PADI6: variants seen among roughly 807,000 people sequenced by gnomAD.
The protein encoded by PADI6 is inactive protein-arginine deiminase type-6.
PADI6 carries 66 observed loss-of-function variants against 78.2 expected under a neutral mutation model. The observed-to-expected ratio is 0.84, with a 90% CI of 0.69 to 1.04. The LOEUF (loss-of-function observed/expected upper bound fraction) is 1.04. Ranked by LOEUF, PADI6 falls within the 50% of genes least tolerant of loss-of-function variation. The pLI is 0.00. For synonymous variants in PADI6, 397 were observed against 346.9 expected (o/e 1.14, Z -1.60); for missense variants, 854 against 866.1 (o/e 0.99, Z 0.18).
At position 17,401,401 on chromosome 1, in the gene PADI6, T is replaced by C; in HGVS notation, c.2048T>C (p.Val683Ala). Residue 683 changes from valine to alanine, a missense_variant, in exon 16 of 16, where the codon GTG becomes GCG. Coordinates refer to ENST00000619609, the MANE Select transcript of PADI6 (RefSeq NM_207421.4). ...DICACANIRR[V>A]PFAFKWWKMV... is the part of the protein sequence containing the mutation. ...TGTGCCTGTGCCAACATCCGCCGGG[T>C]GCCCTTTGCCTTCAAATGGTGGAAG... The C allele has an allele frequency of 6.2e-7, 1 of 1,614,028 alleles. No individual in the cohort carries two copies. The highest frequency in any genetic ancestry group is 8.5e-7 in the Non-Finnish European group (1 of 1,179,896).
In PADI6 at chr1:17,395,077, C is replaced by T; in HGVS notation, c.1464C>T (p.Ile488=). 6.2e-7 allele frequency: 1 copy of T among 1,613,978 alleles called. No homozygotes were observed. The highest frequency in any genetic ancestry group is 8.5e-7 in the Non-Finnish European group (1 of 1,179,896). Residue 488 remains isoleucine (I), a synonymous_variant, in exon 12 of 16, where the codon ATC becomes ATT. Coordinates refer to ENST00000619609, the MANE Select transcript of PADI6 (RefSeq NM_207421.4). ...TGHVDEFMCF[I]PTDDKNEGKK... ...ACGTGGATGAGTTCATGTGCTTCATCCCCACAGATGACAAGAATGAGGGCA... is the reference window on the plus strand; with the variant it reads ...ACGTGGATGAGTTCATGTGCTTCATTCCCACAGATGACAAGAATGAGGGCA...
chr1:17,388,625 C>T (rs940182789), intron 7 of PADI6, 66 bp downstream of exon 7: 1 of 1,491,868 alleles, frequency 6.7e-7, no homozygotes, highest in Non-Finnish European at 9.1e-7. Flanking sequence ...CCATCTCCCA[C>T]AGTTGGGCAG....
At chr1:17,384,142 CAAA>C (rs564182068) in intron 6 of PADI6, among the ~76,000 whole-genome samples, 7 of 142,284 alleles carry the variant, frequency 4.9e-5, no homozygotes, top group Admixed American at 1.4e-4. Flanking sequence ...GACTCTGTCT[CAAA>C]AAAAAAAACT....
intron 3 of PADI6, among the ~76,000 whole-genome samples, chr1:17,379,111 A>ATTTTTTTTTTTTTTT (rs144547124): frequency 3.0e-5 from 3 of 100,808 alleles, no homozygotes; most frequent in African/African-American, 1.7e-4. Flanking sequence ...TGCCCAGTTA[A>ATTTTTTTTTTTTTTT]TTTTTTTTTT....
In PADI6 at chr1:17,401,421, T is replaced by G. The variant is rs1184850249; in HGVS notation, c.2068T>G (p.Trp690Gly). ...CCGGGTGCCCTTTGCCTTCAAATGG[T>G]GGAAGATGGTACCTTAGACCCAGGC... is the stretch of plus-strand genomic sequence containing the variant. Reference protein sequence around the residue: ...IRRVPFAFKWWKMVP With the variant: ...IRRVPFAFKWGKMVP Residue 690 changes from tryptophan to glycine, a missense_variant, in exon 16 of 16, where the codon TGG becomes GGG. Trp to Gly is a radical substitution (Grantham distance 184). Coordinates refer to ENST00000619609, the MANE Select transcript of PADI6 (RefSeq NM_207421.4). The G allele has an allele frequency of 6.2e-7, 1 of 1,613,916 alleles. No individual in the cohort carries two copies. The highest frequency in any genetic ancestry group is 8.5e-7 in the Non-Finnish European group (1 of 1,179,836).
chr1:17,384,223 G>A (rs1224536153), intron 6 of PADI6, among the ~76,000 whole-genome samples: 1 of 152,126 alleles, frequency 6.6e-6, no homozygotes, highest in Non-Finnish European at 1.5e-5. Context: ...TCTGAAACAT[G>A]CTAAAGCTTG....
In PADI6 at chr1:17,400,239, C is replaced by CGT. The variant is rs2075287847; in HGVS notation, c.1852-964_1852-963dup. 2.0e-5 allele frequency among the ~76,000 whole-genome samples: 3 copies of CGT among 150,176 alleles called. No individual in the cohort carries two copies. In the South Asian group the frequency reaches 6.3e-4, roughly 31 times the overall value. On this transcript the variant is annotated intron_variant, in intron 15 of 15. Coordinates refer to ENST00000619609, the MANE Select transcript of PADI6 (RefSeq NM_207421.4). Reference sequence around the variant, plus strand: ...AAAAAAAAAACATTCTGGGGCTGGGCGTGGTGTCTTACACCTGTAATCCCA... The same window carrying CGT: ...AAAAAAAAAACATTCTGGGGCTGGGCGTGTGGTGTCTTACACCTGTAATCCCA...
chr1:17,391,307 C>T (rs555171815), intron 8 of PADI6, among the ~76,000 whole-genome samples: 50 of 152,226 alleles, frequency 3.3e-4, no homozygotes, highest in Admixed American at 1.3e-4. Context: ...GCAGCCTCCA[C>T]CTCCAGGGTT....
chr1:17,396,231 C>G (rs112546525), intron 13 of PADI6, among the ~76,000 whole-genome samples: 1 of 152,020 alleles, frequency 6.6e-6, no homozygotes, highest in Non-Finnish European at 1.5e-5. Flanking sequence ...ACTAAAGATA[C>G]GAAAATTAGC....
chr1:17,394,271 C>A (rs774632854), intron 10 of PADI6, 29 bp from the exon 11 acceptor site: 6 of 1,608,280 alleles, frequency 3.7e-6, no homozygotes, highest in Admixed American at 1.7e-5. Context: ...CCTACTAACA[C>A]CCCTTCCCTG....
chr1:17,374,047 C>T (rs1185114125), intron 2 of PADI6, among the ~76,000 whole-genome samples: 1 of 151,962 alleles, frequency 6.6e-6, no homozygotes, highest in African/African-American at 2.4e-5. Flanking sequence ...ACATCAATAC[C>T]CAGGCCACAC....
intron 9 of PADI6, among the ~76,000 whole-genome samples, 155 bp from the exon 10 acceptor site, chr1:17,393,820 C>T (rs112751624): frequency 1.6e-3 from 242 of 152,118 alleles, no homozygotes; most frequent in African/African-American, 5.6e-3. Flanking sequence ...AGAGAGGGAT[C>T]GGAGAGCCTT....
Position 17,395,461 on chromosome 1 carries a change from C to T in PADI6, c.1495-79C>T, listed in dbSNP as rs190596522. The T allele has an allele frequency of 4.5e-5, 68 of 1,503,784 alleles. 2 individuals carry two copies. Among genetic ancestry groups the T allele is most frequent in the Non-Finnish European group, 3.6e-6 (4 of 1,118,148 alleles). 93.2% of individuals were successfully genotyped at this position (1,503,784 alleles called of 1,614,324 possible). On this transcript the variant is annotated intron_variant, in intron 12 of 15. Coordinates refer to ENST00000619609, the MANE Select transcript of PADI6 (RefSeq NM_207421.4). ...TCAGAGGATCTGCCTGCCTCGGCCT[C>T]CAAAGTGCTGGGATTACAGATATGA...
chr1:17,373,473 T>A (rs113058211), intron 2 of PADI6, among the ~76,000 whole-genome samples: 1,691 of 150,630 alleles, frequency 0.011, 33 homozygotes, highest in African/African-American at 0.039. Flanking sequence ...AGGACTGGGA[T>A]TTATTTTTTA....
At chr1:17,395,351 A>G (rs891020954) in intron 12 of PADI6, among the ~76,000 whole-genome samples, 189 bp from the exon 13 acceptor site, 9 of 152,054 alleles carry the variant, frequency 5.9e-5, no homozygotes, top group Non-Finnish European at 8.8e-5. Flanking sequence ...TTACAGAAAC[A>G]TGCCACCACA....
chr1:17,375,568 TAGG>T, intron 3 of PADI6, 69 bp downstream of exon 3: 1 of 1,390,840 alleles, frequency 7.2e-7, no homozygotes, highest in Non-Finnish European at 9.9e-7. Context: ...GGTGGGATTG[TAGG>T]AGGAGCCAAA....
chr1:17,399,558 G>A (rs2075281538), intron 15 of PADI6, among the ~76,000 whole-genome samples: 1 of 151,932 alleles, frequency 6.6e-6, no homozygotes, highest in Non-Finnish European at 1.5e-5. Context: ...TCACTCCATT[G>A]CACTCCAGCC....
intron 5 of PADI6, 139 bp from the exon 6 acceptor site, chr1:17,381,828 T>G: frequency 1.1e-6 from 1 of 942,912 alleles, no homozygotes; most frequent in Non-Finnish European, 1.6e-6. Context: ...TGGTAATTCT[T>G]CGGGCCTGGG....
At position 17,383,394 on chromosome 1, in the gene PADI6, G is replaced by T. The variant is rs192813823; in HGVS notation, c.679+1302G>T. ...CGAAGAAACCCAGGGGTCTAGGTCT[G>T]GTTCAGGCCACAAGGGCTACTCTGG... On this transcript the variant is annotated intron_variant, in intron 6 of 15. Coordinates refer to ENST00000619609, the MANE Select transcript of PADI6 (RefSeq NM_207421.4). Among the ~76,000 whole-genome samples the T allele has an allele frequency of 3.9e-4, 60 of 152,358 alleles. No individual in the cohort carries two copies. In the East Asian group the frequency reaches 6.2e-3, roughly 16 times the overall value.
Sources: allele counts gnomAD v4.1 joint callset (sites outside exome capture counted in the v4.1 genomes callset), GRCh38; gene constraint gnomAD v4.1.1; transcripts MANE v1.5; gene names NCBI Gene and HGNC (gene_info 2026-07-23, HGNC 2026-07-21).